The following AKR1C8 variants were observed in gnomAD, a reference collection of about 807,000 sequenced individuals.
The protein encoded by AKR1C8 is aldo-keto reductase family 1 member C-like protein 1.
chr10:5,152,252 T>C, the AKR1C8 span, among the ~76,000 whole-genome samples: 2 of 152,226 alleles, frequency 1.3e-5, no homozygotes, highest in South Asian at 2.1e-4. Flanking sequence ...AGGTGTGCTA[T>C]AGTTTTTTGA....
chr10:5,182,736 C>T, the AKR1C8 span, among the ~76,000 whole-genome samples: 9 of 151,954 alleles, frequency 5.9e-5, no homozygotes, highest in African/African-American at 1.9e-4. Context: ...ATAGTGAAAC[C>T]CTGTCTCTAC....
At chr10:5,157,231 A>G in the AKR1C8 span, among the ~76,000 whole-genome samples, 2 of 152,138 alleles carry the variant, frequency 1.3e-5, no homozygotes, top group African/African-American at 4.8e-5. Flanking sequence ...TTGTGGTGAA[A>G]ACTGGCCTGG....
the AKR1C8 span, among the ~76,000 whole-genome samples, chr10:5,177,366 C>A: frequency 1.3e-5 from 2 of 152,020 alleles, no homozygotes; most frequent in Non-Finnish European, 2.9e-5. Context: ...TGATGTGCTG[C>A]TGGATTCGGT....
chr10:5,176,780 G>C, the AKR1C8 span, among the ~76,000 whole-genome samples: 3 of 152,100 alleles, frequency 2.0e-5, no homozygotes, highest in African/African-American at 7.2e-5. Context: ...CTCTCTGTTT[G>C]TCTGTTATTG....
the AKR1C8 span, among the ~76,000 whole-genome samples, chr10:5,153,341 A>C: frequency 6.6e-6 from 1 of 152,236 alleles, no homozygotes. Flanking sequence ...CTTTACAACA[A>C]GTAAAATATA....
the AKR1C8 span, among the ~76,000 whole-genome samples, chr10:5,179,735 C>T: frequency 6.6e-6 from 1 of 152,114 alleles, no homozygotes; most frequent in South Asian, 2.1e-4. Flanking sequence ...CATCTTCCAT[C>T]ACTGATATCC....
At chr10:5,175,120 C>A in the AKR1C8 span, among the ~76,000 whole-genome samples, 4 of 116,486 alleles carry the variant, frequency 3.4e-5, no homozygotes, top group African/African-American at 9.5e-5. Flanking sequence ...CCTCCCCCCT[C>A]CCCCCTCCCC....
the AKR1C8 span, among the ~76,000 whole-genome samples, chr10:5,147,041 G>T: frequency 6.6e-6 from 1 of 152,184 alleles, no homozygotes; most frequent in East Asian, 1.9e-4. Flanking sequence ...AAGAAGCATG[G>T]CACTGGTATC....
At chr10:5,123,767 T>C in the AKR1C8 span, 1 of 1,613,512 alleles carries the variant, frequency 6.2e-7, no homozygotes, top group Middle Eastern at 1.7e-4. Context: ...CAATGTCTTT[T>C]GACTTGCAGA....
the AKR1C8 span, among the ~76,000 whole-genome samples, chr10:5,179,561 T>C: frequency 6.6e-6 from 1 of 151,650 alleles, no homozygotes; most frequent in South Asian, 2.1e-4. Context: ...CTGGATAATA[T>C]CCTGCAGAGG....
the AKR1C8 span, among the ~76,000 whole-genome samples, chr10:5,150,829 C>T: frequency 6.6e-6 from 1 of 152,156 alleles, no homozygotes; most frequent in East Asian, 1.9e-4. Context: ...ATTGTAACTG[C>T]CCGGTGGGTT....
At chr10:5,145,408 C>T in the AKR1C8 span, among the ~76,000 whole-genome samples, 2 of 151,958 alleles carry the variant, frequency 1.3e-5, no homozygotes, top group African/African-American at 2.4e-5. Flanking sequence ...AGTGAACAGG[C>T]AACCTACAAA....
At chr10:5,122,243 G>C in the AKR1C8 span, 4 of 269,902 alleles carry the variant, frequency 1.5e-5, no homozygotes, top group Admixed American at 4.9e-5. Context: ...GACTTTGCAA[G>C]GGGCAAAGGC....
the AKR1C8 span, among the ~76,000 whole-genome samples, chr10:5,139,599 T>C: frequency 2.6e-5 from 4 of 152,324 alleles, no homozygotes; most frequent in Admixed American, 2.6e-4. Flanking sequence ...GCTAGCCATA[T>C]ATAGAAAGCT....
the AKR1C8 span, among the ~76,000 whole-genome samples, chr10:5,149,740 T>G: frequency 6.6e-6 from 1 of 152,150 alleles, no homozygotes; most frequent in Non-Finnish European, 1.5e-5. Flanking sequence ...GTTAAAGCTT[T>G]GATAAATTAT....
the AKR1C8 span, among the ~76,000 whole-genome samples, chr10:5,149,480 C>CA: frequency 6.6e-6 from 1 of 151,996 alleles, no homozygotes; most frequent in African/African-American, 2.4e-5. Flanking sequence ...CTATCTCAGC[C>CA]AAAAATGTAT....
chr10:5,163,160 T>C, the AKR1C8 span: 323 of 352,628 alleles, frequency 9.2e-4, 6 homozygotes, highest in South Asian at 7.4e-3. Context: ...GACAGACCTG[T>C]ACTCTGAGGA....
chr10:5,135,963 A>C, the AKR1C8 span, among the ~76,000 whole-genome samples: 44 of 152,288 alleles, frequency 2.9e-4, no homozygotes, highest in Middle Eastern at 6.8e-3. Flanking sequence ...TCAAAGGAAA[A>C]AGAAAATGCA....
the AKR1C8 span, chr10:5,132,607 A>C: frequency 6.4e-7 from 1 of 1,573,534 alleles, no homozygotes; most frequent in Non-Finnish European, 8.7e-7. Flanking sequence ...AGTACCTTTG[A>C]AGTGTAGAAT....
Sources: allele counts gnomAD v4.1 joint callset (sites outside exome capture counted in the v4.1 genomes callset), GRCh38; gene constraint gnomAD v4.1.1; transcripts MANE v1.5; gene names NCBI Gene and HGNC (gene_info 2026-07-23, HGNC 2026-07-21).